The following SLC10A7 variants were observed in gnomAD, a reference collection of about 807,000 sequenced individuals.
The protein encoded by SLC10A7 is solute carrier family 10 member 7, also known as sodium/bile acid cotransporter 7.
SLC10A7 carries 29 observed loss-of-function variants against 43.2 expected under a neutral mutation model. The observed-to-expected ratio is 0.67, with a 90% CI of 0.50 to 0.92. The LOEUF (loss-of-function observed/expected upper bound fraction) is 0.92, where lower values mean the gene tolerates loss of function less well. SLC10A7 is among the 40% of genes least tolerant of loss of function. The probability of loss-of-function intolerance (pLI) is 0.00; values close to 1 mark genes in which losing one functional copy is unlikely to be tolerated. For synonymous variants in SLC10A7, 152 were observed against 144.8 expected (o/e 1.05, Z -0.35); for missense variants, 295 against 403.2 (o/e 0.73, Z 2.30).
At chr4:146,316,576 T>C (rs1035865200) in intron 6 of SLC10A7, among the ~76,000 whole-genome samples, 1 of 152,022 alleles carries the variant, frequency 6.6e-6, no homozygotes, top group African/African-American at 2.4e-5. Context: ...CTGTCAGAAA[T>C]AAATTTCTTT....
chr4:146,513,420 TA>T (rs1471612580), intron 2 of SLC10A7, among the ~76,000 whole-genome samples: 1 of 152,174 alleles, frequency 6.6e-6, no homozygotes, highest in Non-Finnish European at 1.5e-5. Context: ...ACATATTTTT[TA>T]AAAAGGACTA....
chr4:146,338,505 T>C (rs1312006712), intron 5 of SLC10A7, among the ~76,000 whole-genome samples: 3 of 152,132 alleles, frequency 2.0e-5, no homozygotes, highest in South Asian at 4.1e-4. Flanking sequence ...TGTGTTGATA[T>C]ACTGGATAGG....
intron 5 of SLC10A7, among the ~76,000 whole-genome samples, chr4:146,373,438 C>T (rs1032055721): frequency 3.4e-5 from 5 of 147,378 alleles, no homozygotes; most frequent in East Asian, 4.0e-4. Flanking sequence ...TGCACCACTA[C>T]ACTCCAACCT....
intron 5 of SLC10A7, among the ~76,000 whole-genome samples, chr4:146,371,012 T>C (rs2630278): frequency 0.011 from 1,615 of 152,296 alleles, 23 homozygotes; most frequent in African/African-American, 0.036. Context: ...AACCTCAGAA[T>C]TGAGTCATCA....
At chr4:146,261,904 G>A (rs890484026) in intron 10 of SLC10A7, among the ~76,000 whole-genome samples, 3 of 152,134 alleles carry the variant, frequency 2.0e-5, no homozygotes, top group Non-Finnish European at 4.4e-5. Context: ...CCACTCCAGC[G>A]ACTCGAGTCA....
At chr4:146,301,203 C>T (rs1366522625) in intron 7 of SLC10A7, among the ~76,000 whole-genome samples, 3 of 152,128 alleles carry the variant, frequency 2.0e-5, no homozygotes, top group Admixed American at 6.5e-5. Context: ...TTAATCGAGG[C>T]CAGTCTAGGT....
intron 5 of SLC10A7, among the ~76,000 whole-genome samples, chr4:146,369,330 C>T (rs1179527406): frequency 6.6e-6 from 1 of 152,164 alleles, no homozygotes; most frequent in Non-Finnish European, 1.5e-5. Flanking sequence ...TAAATTTATA[C>T]ATATTAATTG....
intron 9 of SLC10A7, 63 bp downstream of exon 9, chr4:146,292,866 G>T: frequency 8.5e-7 from 1 of 1,181,286 alleles, no homozygotes; most frequent in Non-Finnish European, 1.2e-6. Flanking sequence ...TGGCATAGTA[G>T]CCAAGTAGAC....
intron 10 of SLC10A7, among the ~76,000 whole-genome samples, chr4:146,268,353 A>C (rs1728691608): frequency 6.6e-6 from 1 of 152,162 alleles, no homozygotes; most frequent in Non-Finnish European, 1.5e-5. Context: ...AAAGGAGGAA[A>C]ATTAACAAAG....
intron 5 of SLC10A7, among the ~76,000 whole-genome samples, chr4:146,419,451 T>C (rs910883188): frequency 6.6e-6 from 1 of 152,232 alleles, no homozygotes. Context: ...GTGACATTGA[T>C]CTATGTGTTC....
At chr4:146,371,543 G>A (rs553569117) in intron 5 of SLC10A7, among the ~76,000 whole-genome samples, 4 of 152,240 alleles carry the variant, frequency 2.6e-5, no homozygotes, top group African/African-American at 9.6e-5. Context: ...GAAAAGGAAC[G>A]GAGTTCTAAA....
At chr4:146,464,156 G>T (rs1399101671) in intron 4 of SLC10A7, among the ~76,000 whole-genome samples, 1 of 151,828 alleles carries the variant, frequency 6.6e-6, no homozygotes, top group African/African-American at 2.4e-5. Flanking sequence ...AAAAAAAGCT[G>T]GAACTATCAG....
chr4:146,288,277 C>T (rs1271301851), intron 9 of SLC10A7, among the ~76,000 whole-genome samples: 3 of 152,208 alleles, frequency 2.0e-5, no homozygotes, highest in African/African-American at 7.2e-5. Context: ...AGCAGATGCT[C>T]ACTTAACCCT....
At chr4:146,457,735 T>C (rs917076722) in intron 4 of SLC10A7, among the ~76,000 whole-genome samples, 1 of 151,878 alleles carries the variant, frequency 6.6e-6, no homozygotes, top group African/African-American at 2.4e-5. Context: ...TATGAAAACT[T>C]AGATGAAATG....
At chr4:146,445,073 GTTTCT>G (rs1730923011) in intron 4 of SLC10A7, among the ~76,000 whole-genome samples, 1 of 152,082 alleles carries the variant, frequency 6.6e-6, no homozygotes, top group Admixed American at 6.5e-5. Flanking sequence ...CCATGAACAT[GTTTCT>G]ATCCATCTCA....
At chr4:146,378,734 A>T (rs1264648947) in intron 5 of SLC10A7, among the ~76,000 whole-genome samples, 2 of 152,178 alleles carry the variant, frequency 1.3e-5, no homozygotes, top group East Asian at 3.8e-4. Context: ...AAATAAAACT[A>T]AAGTCATTTA....
rs35059793 is a variant in SLC10A7, at chr4:146,340,535, GGAGAGAGA to G, written c.436-14547_436-14540del. Among the ~76,000 whole-genome samples the G allele has an allele frequency of 2.3e-4, 33 of 141,910 alleles. No homozygotes were observed. The South Asian group carries it at 6.9e-3, about 30-fold the overall frequency. 93.1% of individuals were successfully genotyped at this position (141,910 alleles called of 152,430 possible). A position where few individuals can be genotyped will look rare whatever the true frequency, so the allele number is the denominator to read the frequency against. ...TGTGTGTGTGTGTATATATATATAT[GGAGAGAGA>G]GAGAGAGAGAGAGAGAGAGTGATTA... On this transcript the variant is annotated intron_variant, in intron 5 of 11. Transcript: ENST00000335472.
chr4:146,283,722 T>A, intron 9 of SLC10A7, among the ~76,000 whole-genome samples: 1 of 152,086 alleles, frequency 6.6e-6, no homozygotes, highest in East Asian at 1.9e-4. Flanking sequence ...TATATTTTAG[T>A]AAAAACAAAT....
chr4:146,513,944 T>C (rs1737716123), intron 2 of SLC10A7: 2 of 152,168 alleles, frequency 1.3e-5, no homozygotes, highest in East Asian at 3.8e-4. Flanking sequence ...AAGGTCAAAA[T>C]CCATTAAAAT....
Sources: allele counts gnomAD v4.1 joint callset (sites outside exome capture counted in the v4.1 genomes callset), GRCh38; gene constraint gnomAD v4.1.1; transcripts MANE v1.5; gene names NCBI Gene and HGNC (gene_info 2026-07-23, HGNC 2026-07-21).